EPAS1: variants seen among roughly 807,000 people sequenced by gnomAD.
EPAS1 encodes the protein endothelial PAS domain-containing protein 1.
In EPAS1, 23 loss-of-function variants were observed where a neutral mutation model predicts 87.9. The ratio of observed to expected loss-of-function variants is 0.26; its 90% CI spans 0.19 to 0.37. The LOEUF is 0.37. Among genes scored for constraint, EPAS1 ranks in the 10% least tolerant of loss-of-function variants. The pLI, the probability that EPAS1 is intolerant of heterozygous loss-of-function variation, is 1.00. For synonymous variants in EPAS1, 508 were observed against 444.3 expected, an observed-to-expected ratio of 1.14 and a Z score of -1.80; for missense variants, 1,138 against 1,120.7, an observed-to-expected ratio of 1.02 and a Z score of -0.22.
chr2:46,321,315 G>A (rs907110583), intron 1 of EPAS1, among the ~76,000 whole-genome samples: 1 of 152,072 alleles, frequency 6.6e-6, no homozygotes, highest in Non-Finnish European at 1.5e-5. Flanking sequence ...TCCACCTTTG[G>A]GTGTTGTGAA....
chr2:46,361,200 C>T (rs868143592), intron 6 of EPAS1, 110 bp downstream of exon 6: 22 of 1,230,300 alleles, frequency 1.8e-5, no homozygotes, highest in Middle Eastern at 2.3e-4. Flanking sequence ...GTGGTATTGC[C>T]GGGTGCATGT....
At chr2:46,342,491 CATTTAACCTT>C (rs1380716887) in intron 1 of EPAS1, among the ~76,000 whole-genome samples, 1 of 152,192 alleles carries the variant, frequency 6.6e-6, no homozygotes, top group Non-Finnish European at 1.5e-5. Context: ...GTTTCTAAGC[CATTTAACCTT>C]ATAGGGTAAT....
intron 2 of EPAS1, among the ~76,000 whole-genome samples, chr2:46,351,897 G>A (rs1279023234): frequency 6.6e-6 from 1 of 152,174 alleles, no homozygotes; most frequent in African/African-American, 2.4e-5. Flanking sequence ...AGCCCCTGCT[G>A]CCCAGGAAGT....
At position 46,375,794 on chromosome 2, in the gene EPAS1, A is replaced by G; in HGVS notation, c.991A>G (p.Asn331Asp). 3 of 1,614,206 alleles carry G rather than the reference A, an allele frequency of 1.9e-6. No homozygotes were observed. The highest frequency in any genetic ancestry group is 2.5e-6 in the Non-Finnish European group (3 of 1,180,030). The change falls in exon 8 of 16, where the codon AAC (asparagine) becomes GAC (aspartate). Residue 331 changes from asparagine to aspartate, a missense_variant. Transcript: ENST00000263734. This position sits in a 1 kb window ranked among gnomAD's most constrained non-coding sequence, Gnocchi z 4.1. ...TQGTVIYNPR[N>D]LQPQCIMCVN... ...GGGGACGGTCATCTACAACCCTCGC[A>G]ACCTGCAGCCCCAGTGCATCATGTG...
Position 46,360,965 on chromosome 2 carries a change from G to C in EPAS1, c.654G>C (p.Leu218=), listed in dbSNP as rs186340883. ...GTCTGTGTGGCTACAAGGAGCCCCT[G>C]CTGTCCTGCCTCATCATCATGTGTG... ...HNSLCGYKEP[L]LSCLIIMCEP... Residue 218 remains leucine (L), a synonymous_variant, in exon 6 of 16, where the codon CTG becomes CTC. Coordinates refer to ENST00000263734, the MANE Select transcript of EPAS1 (RefSeq NM_001430.5). The surrounding 1 kb of genome is among the most constrained non-coding windows in gnomAD (Gnocchi z 4.5). 1 of 1,614,186 alleles carries C rather than the reference G, an allele frequency of 6.2e-7. No individual in the cohort carries two copies. Among genetic ancestry groups the C allele is most frequent in the East Asian group, 2.2e-5 (1 of 44,888 alleles).
intron 2 of EPAS1, among the ~76,000 whole-genome samples, chr2:46,355,432 C>A (rs1421923539): frequency 6.6e-6 from 1 of 152,182 alleles, no homozygotes; most frequent in Non-Finnish European, 1.5e-5. Flanking sequence ...GCTGTCAAAG[C>A]TTGCTAGCTT....
At chr2:46,333,824 G>A (rs957937350) in intron 1 of EPAS1, among the ~76,000 whole-genome samples, 1 of 151,712 alleles carries the variant, frequency 6.6e-6, no homozygotes, top group Non-Finnish European at 1.5e-5. Flanking sequence ...CCCAAGATCT[G>A]ACTCAAATTT....
intron 1 of EPAS1, among the ~76,000 whole-genome samples, chr2:46,344,860 T>C (rs1683991222): frequency 6.6e-6 from 1 of 152,256 alleles, no homozygotes; most frequent in African/African-American, 2.4e-5. Context: ...TCCGAGTATA[T>C]GATGCTTAAT....
intron 1 of EPAS1, among the ~76,000 whole-genome samples, chr2:46,302,734 G>A (rs1232269166): frequency 1.7e-5 from 2 of 119,548 alleles, no homozygotes; most frequent in Non-Finnish European, 3.4e-5. Flanking sequence ...GTCTGATTAG[G>A]AAAAAAAAAA....
intron 6 of EPAS1, among the ~76,000 whole-genome samples, chr2:46,368,383 A>C (rs913605419): frequency 2.0e-5 from 3 of 152,182 alleles, no homozygotes; most frequent in Non-Finnish European, 4.4e-5. Flanking sequence ...CTTCCATGAC[A>C]GAGGGTACAT....
intron 2 of EPAS1, among the ~76,000 whole-genome samples, chr2:46,353,736 GA>G (rs1684215361): frequency 6.6e-6 from 1 of 152,224 alleles, no homozygotes; most frequent in Non-Finnish European, 1.5e-5. Context: ...TGTATCAGCA[GA>G]AACCCCAAGC....
Position 46,380,126 on chromosome 2 carries a change from ACAGTGCTTGAGATGAATGGCTCTG to A in EPAS1, c.1555-97_1555-74del. 6.3e-7 allele frequency: 1 copy of A among 1,588,752 alleles called. No homozygotes were observed. ...GGAGGCGTTTGAGCAGCACTGTGAAACAGTGCTTGAGATGAATGGCTCTGCAGGAGCTGAGTTGGAATAGTGTTT... is the reference window on the plus strand; with the variant it reads ...GGAGGCGTTTGAGCAGCACTGTGAAACAGGAGCTGAGTTGGAATAGTGTTT... On this transcript the variant is annotated intron_variant, in intron 11 of 15. Coordinates refer to ENST00000263734, the MANE Select transcript of EPAS1 (RefSeq NM_001430.5). This position sits in a 1 kb window ranked among gnomAD's most constrained non-coding sequence, Gnocchi z 4.4.
rs1362359999 is a variant in EPAS1, at chr2:46,297,849, C to T, written c.-63C>T. On this transcript the variant is annotated 5_prime_UTR_variant, in exon 1 of 16. Coordinates refer to ENST00000263734, the MANE Select transcript of EPAS1 (RefSeq NM_001430.5). ...CGCGGGGAGCGGACGAGGGCCACAG[C>T]CCCCCACCCGCCAGGGAGCCCAGGT... The T allele has an allele frequency of 5.1e-6, 8 of 1,571,122 alleles. No homozygotes were observed. Among genetic ancestry groups the T allele is most frequent in the Admixed American group, 1.8e-5 (1 of 54,388 alleles).
rs181914276 is a variant in EPAS1, at chr2:46,346,335, T to G, written c.27-538T>G. ...CTGTTCTGGGGCTGTAATGGCATTTTCAGTTTTTACTGTGGAAATCACTTT... is the reference window on the plus strand; with the variant it reads ...CTGTTCTGGGGCTGTAATGGCATTTGCAGTTTTTACTGTGGAAATCACTTT... On this transcript the variant is annotated intron_variant, in intron 1 of 15. Transcript: ENST00000263734. The surrounding 1 kb of genome is among the most constrained non-coding windows in gnomAD (Gnocchi z 4.0). Among the ~76,000 whole-genome samples, 125 of 152,364 alleles carry G rather than the reference T, an allele frequency of 8.2e-4. No individual in the cohort carries two copies. The highest frequency in any genetic ancestry group is 1.2e-3 in the Non-Finnish European group (85 of 68,028).
rs1319306219 is a variant in EPAS1, at chr2:46,321,918, A to G, written c.26+23981A>G. On this transcript the variant is annotated intron_variant, in intron 1 of 15. Transcript: ENST00000263734. The stretch of plus-strand genomic sequence containing the variant: ...CAGTTCGTGCTGTGGAGCATGTGAA[A>G]CTATTTTAAATAGAGGCCTTTGGGA... Among the ~76,000 whole-genome samples, 3 of 152,304 alleles carry G rather than the reference A, an allele frequency of 2.0e-5. No homozygotes were observed. In the East Asian group the frequency reaches 5.8e-4, roughly 29 times the overall value.
At chr2:46,364,873 A>G (rs1391343796) in intron 6 of EPAS1, among the ~76,000 whole-genome samples, 2 of 152,258 alleles carry the variant, frequency 1.3e-5, no homozygotes, top group East Asian at 1.9e-4. Flanking sequence ...ACTGTGTGCC[A>G]GAGACCATTA....
chr2:46,383,649 G>A lies in EPAS1; in HGVS notation c.2462-860G>A, dbSNP rs191112326. Among the ~76,000 whole-genome samples the A allele has an allele frequency of 2.6e-5, 4 of 152,328 alleles. No homozygotes were observed. The East Asian group carries it at 7.7e-4, about 29-fold the overall frequency. Reference sequence around the variant, plus strand: ...AGCACTATTCTTCCTGTTATGTGAAGCCCACGAATTACCTTGAATATTGAA... The same window carrying A: ...AGCACTATTCTTCCTGTTATGTGAAACCCACGAATTACCTTGAATATTGAA... On this transcript the variant is annotated intron_variant, in intron 15 of 15. Transcript: ENST00000263734.
At chr2:46,332,991 G>A (rs1000607284) in intron 1 of EPAS1, among the ~76,000 whole-genome samples, 6 of 152,186 alleles carry the variant, frequency 3.9e-5, no homozygotes, top group Non-Finnish European at 8.8e-5. Flanking sequence ...ACTAGCAGCT[G>A]GCTCACGAAA....
At chr2:46,359,361 G>A (rs1014278322) in intron 4 of EPAS1, among the ~76,000 whole-genome samples, 3 of 149,100 alleles carry the variant, frequency 2.0e-5, no homozygotes, top group Non-Finnish European at 1.5e-5. Context: ...AGCCACAAAT[G>A]AATCCCTCCA....
Sources: allele counts gnomAD v4.1 joint callset (sites outside exome capture counted in the v4.1 genomes callset), GRCh38; gene constraint gnomAD v4.1.1; non-coding constraint Gnocchi (gnomAD v3.1); transcripts MANE v1.5; gene names NCBI Gene and HGNC (gene_info 2026-07-23, HGNC 2026-07-21).